Variants in ARHGAP22 observed in about 807,000 individuals in gnomAD.
ARHGAP22 encodes rho GTPase-activating protein 22.
ARHGAP22 carries 48 observed loss-of-function variants against 59.1 expected under a neutral mutation model. The observed-to-expected ratio is 0.81, with a 90% CI of 0.64 to 1.03. The LOEUF (loss-of-function observed/expected upper bound fraction) is 1.03, where lower values mean the gene tolerates loss of function less well. Among genes scored for constraint, ARHGAP22 ranks in the 50% least tolerant of loss-of-function variants. ARHGAP22 has a pLI of 0.00. For missense variants in ARHGAP22, 1,015 were observed against 958.7 expected (o/e 1.06, Z -0.78); for synonymous variants, 445 against 416.4 (o/e 1.07, Z -0.84).
chr10:48,568,953 G>T (rs1263607270), intron 2 of ARHGAP22, among the ~76,000 whole-genome samples: 1 of 152,222 alleles, frequency 6.6e-6, no homozygotes, highest in Non-Finnish European at 1.5e-5. Flanking sequence ...CGCTGGTGCT[G>T]TCCTGTCTTG....
At chr10:48,566,616 T>C (rs185850869) in intron 2 of ARHGAP22, among the ~76,000 whole-genome samples, 97 of 152,328 alleles carry the variant, frequency 6.4e-4, no homozygotes, top group Admixed American at 4.3e-3. Flanking sequence ...TGTGAACCTG[T>C]GAACTCCAAA....
At chr10:48,493,676 A>G in intron 3 of ARHGAP22, 1 of 1,397,570 alleles carries the variant, frequency 7.2e-7, no homozygotes, top group Non-Finnish European at 9.3e-7. Flanking sequence ...TTCTGCATTT[A>G]TCAGTGCCCG....
At chr10:48,431,359 T>C in the ARHGAP22 span, 5 of 829,392 alleles carry the variant, frequency 6.0e-6, no homozygotes, top group South Asian at 6.6e-5. Context: ...TCTTCCCATA[T>C]TTACAAAATC....
intron 1 of ARHGAP22, among the ~76,000 whole-genome samples, chr10:48,627,030 A>C (rs1327266185): frequency 6.6e-6 from 1 of 151,904 alleles, no homozygotes; most frequent in Non-Finnish European, 1.5e-5. Context: ...CTCCATAAAA[A>C]CCCCTAAATG....
At position 48,459,793 on chromosome 10, in the gene ARHGAP22, G is replaced by T; in HGVS notation, c.550C>A (p.Arg184=). The change falls in exon 5 of 10, where the codon CGG becomes AGG. Residue 184 remains arginine (R), a synonymous_variant. Transcript: ENST00000249601. ...CCCTCCTCAGTGAGCCCGCGCTCCC[G>T]GATGAAGTCCACACACTGCTCCACC... ...LLVEQCVDFI[R]ERGLTEEGLF... 1 of 1,613,836 alleles carries T rather than the reference G, an allele frequency of 6.2e-7. No homozygotes were observed. The highest frequency in any genetic ancestry group is 1.1e-5 in the South Asian group (1 of 91,084).
chr10:48,578,991 A>G (rs144459157), intron 2 of ARHGAP22, among the ~76,000 whole-genome samples: 345 of 152,078 alleles, frequency 2.3e-3, no homozygotes, highest in Middle Eastern at 0.014. Context: ...TTCTATTTTA[A>G]GGGATAGATG....
chr10:48,572,580 A>G (rs909333687), intron 2 of ARHGAP22, among the ~76,000 whole-genome samples: 1 of 152,196 alleles, frequency 6.6e-6, no homozygotes, highest in African/African-American at 2.4e-5. Context: ...CACATTTAAT[A>G]TGGATGTTCA....
intron 1 of ARHGAP22, among the ~76,000 whole-genome samples, chr10:48,597,686 A>G (rs1218228300): frequency 6.6e-6 from 1 of 152,188 alleles, no homozygotes; most frequent in East Asian, 1.9e-4. Context: ...GACTTTGTTC[A>G]GGGGCTGATG....
At chr10:48,538,693 C>G (rs1217650023) in intron 3 of ARHGAP22, among the ~76,000 whole-genome samples, 3 of 152,190 alleles carry the variant, frequency 2.0e-5, no homozygotes, top group Non-Finnish European at 4.4e-5. Flanking sequence ...GCGTTTGGAT[C>G]CAGTAAAGGA....
At chr10:48,560,852 T>C (rs1457117274) in intron 2 of ARHGAP22, among the ~76,000 whole-genome samples, 1 of 152,154 alleles carries the variant, frequency 6.6e-6, no homozygotes, top group Non-Finnish European at 1.5e-5. Context: ...TAAACCCCAC[T>C]TTGTCATTAT....
At chr10:48,456,056 G>A (rs760305017) in intron 5 of ARHGAP22, among the ~76,000 whole-genome samples, 4 of 152,198 alleles carry the variant, frequency 2.6e-5, no homozygotes, top group Non-Finnish European at 5.9e-5. Flanking sequence ...CCTGTGTGGG[G>A]TCTGCAGTTC....
At chr10:48,507,393 C>T (rs1190241752) in intron 3 of ARHGAP22, among the ~76,000 whole-genome samples, 3 of 152,110 alleles carry the variant, frequency 2.0e-5, no homozygotes, top group East Asian at 1.9e-4. Context: ...TTATGATATG[C>T]GTAAATTAGA....
At chr10:48,478,180 C>G (rs2048921985) in intron 4 of ARHGAP22, among the ~76,000 whole-genome samples, 1 of 152,208 alleles carries the variant, frequency 6.6e-6, no homozygotes, top group African/African-American at 2.4e-5. Context: ...GGAACCAAAG[C>G]CACTGTGAGG....
intron 3 of ARHGAP22, among the ~76,000 whole-genome samples, chr10:48,544,143 T>G (rs947316146): frequency 6.6e-6 from 1 of 150,898 alleles, no homozygotes; most frequent in Non-Finnish European, 1.5e-5. Flanking sequence ...GAGAAAGGAC[T>G]GGGTGGGGTC....
At chr10:48,596,879 C>A (rs936684537) in intron 1 of ARHGAP22, among the ~76,000 whole-genome samples, 1 of 152,160 alleles carries the variant, frequency 6.6e-6, no homozygotes, top group Admixed American at 6.5e-5. Context: ...TGCCCAGCTT[C>A]CTCCCTCTCA....
At chr10:48,454,203 G>C in intron 6 of ARHGAP22, 42 bp from the exon 7 acceptor site, 37 of 1,526,108 alleles carry the variant, frequency 2.4e-5, no homozygotes, top group Non-Finnish European at 3.2e-5. Flanking sequence ...GGCAATGAGG[G>C]CCCTGACTGT....
intron 3 of ARHGAP22, among the ~76,000 whole-genome samples, chr10:48,541,918 C>T (rs989175512): frequency 2.0e-5 from 3 of 152,190 alleles, no homozygotes; most frequent in Non-Finnish European, 2.9e-5. Context: ...GCCCCTTTGC[C>T]GTATTGGATC....
In ARHGAP22 at chr10:48,459,889, TC is replaced by T. The variant is rs762877768; in HGVS notation, c.453del (p.Ile152SerfsTer6). 6.2e-7 allele frequency: 1 copy of T among 1,611,712 alleles called. No individual in the cohort carries two copies. Among genetic ancestry groups the T allele is most frequent in the Non-Finnish European group, 8.5e-7 (1 of 1,179,716 alleles). On this transcript the variant is annotated frameshift_variant and splice_region_variant, in exon 5 of 10. Coordinates refer to ENST00000249601, the MANE Select transcript of ARHGAP22 (RefSeq NM_021226.4). LOFTEE classifies it high-confidence loss of function. ...GTTTCCTCTAGGCGCTGCCCAAAGA[TC>T]CCTGAGCACAGAGAGGAGCTAGTCA... ...RRVIWAPLGG[G>X]IFGQRLEETV...
At chr10:48,642,431 C>T (rs1266111887) in intron 1 of ARHGAP22, among the ~76,000 whole-genome samples, 1 of 152,170 alleles carries the variant, frequency 6.6e-6, no homozygotes, top group Non-Finnish European at 1.5e-5. Context: ...AGAAATAACA[C>T]CACACATCTA....
Sources: gnomAD v4.1 joint callset for allele counts (sites outside exome capture counted in the v4.1 genomes callset) on GRCh38, gnomAD v4.1.1 for gene constraint, MANE v1.5 for transcripts, NCBI Gene and HGNC (gene_info 2026-07-23, HGNC 2026-07-21) for gene names.